Variants in TMEM182 observed in about 807,000 individuals in gnomAD.
TMEM182 encodes the protein transmembrane protein 182.
A neutral mutation model predicts 26.8 loss-of-function variants in TMEM182; 20 were observed. The ratio of observed to expected loss-of-function variants is 0.75; its 90% CI spans 0.53 to 1.09. TMEM182 has a LOEUF of 1.09. Among genes scored for constraint, TMEM182 ranks in the 50% least tolerant of loss-of-function variants. TMEM182 has a pLI of 0.00. For missense variants in TMEM182, 277 were observed against 275.5 expected (o/e 1.01, Z -0.04); for synonymous variants, 109 against 102.2 (o/e 1.07, Z -0.40).
chr2:102,753,970 G>A (rs974548052), intron 1 of TMEM182, among the ~76,000 whole-genome samples: 6 of 152,136 alleles, frequency 3.9e-5, no homozygotes, highest in Admixed American at 2.6e-4. Flanking sequence ...CAATATGACC[G>A]TGTTTTATAT....
At chr2:102,829,508 C>A (rs769999331) in intron 3 of TMEM182, among the ~76,000 whole-genome samples, 6 of 152,126 alleles carry the variant, frequency 3.9e-5, no homozygotes, top group Non-Finnish European at 7.4e-5. Flanking sequence ...GGGAAAATAT[C>A]AGAAGGTGTT....
At chr2:102,742,750 C>T (rs966680854) in intron 1 of TMEM182, among the ~76,000 whole-genome samples, 1 of 151,952 alleles carries the variant, frequency 6.6e-6, no homozygotes, top group African/African-American at 2.4e-5. Flanking sequence ...AACATACAAG[C>T]AAGTAGTGAG....
intron 3 of TMEM182, among the ~76,000 whole-genome samples, chr2:102,841,825 C>A (rs773384649): frequency 1.1e-4 from 16 of 152,164 alleles, no homozygotes; most frequent in Non-Finnish European, 2.4e-4. Context: ...GGAAAGAATG[C>A]AGAATCTGAA....
Position 102,815,945 on chromosome 2 carries a change from A to G in TMEM182, c.*977A>G. 1 of 983,490 alleles carries G rather than the reference A, an allele frequency of 1.0e-6. No homozygotes were observed. The allele number at this position is 983,490 out of a possible 1,614,324, so 60.9% of individuals were successfully genotyped here. Reference sequence around the variant, plus strand: ...AGACCATAAAATATTAACTTTCCCCAAGATGTTATGGGTTCCAGTTCTTCT... The same window carrying G: ...AGACCATAAAATATTAACTTTCCCCGAGATGTTATGGGTTCCAGTTCTTCT... On this transcript the variant is annotated 3_prime_UTR_variant, in exon 5 of 5. Coordinates refer to ENST00000412401, the MANE Select transcript of TMEM182 (RefSeq NM_144632.5).
intron 1 of TMEM182, among the ~76,000 whole-genome samples, chr2:102,755,762 G>A (rs1680013830): frequency 6.6e-6 from 1 of 152,066 alleles, no homozygotes; most frequent in Non-Finnish European, 1.5e-5. Flanking sequence ...TAAGAATAAG[G>A]GGGCAAATTG....
chr2:102,810,005 C>G (rs1280527277), intron 4 of TMEM182, among the ~76,000 whole-genome samples: 2 of 152,100 alleles, frequency 1.3e-5, no homozygotes, highest in Non-Finnish European at 2.9e-5. Context: ...TATGATTCTT[C>G]CCCAAGTAAC....
intron 4 of TMEM182, among the ~76,000 whole-genome samples, chr2:102,804,921 C>T (rs956408345): frequency 3.9e-5 from 6 of 152,174 alleles, no homozygotes; most frequent in African/African-American, 1.2e-4. Flanking sequence ...TTTGTAGACT[C>T]GCTTTGTGCC....
intron 3 of TMEM182, among the ~76,000 whole-genome samples, chr2:102,828,059 C>T (rs927608836): frequency 5.3e-5 from 8 of 152,080 alleles, no homozygotes; most frequent in African/African-American, 1.9e-4. Flanking sequence ...CCACTGCACT[C>T]CAGCCTGGGC....
intron 1 of TMEM182, among the ~76,000 whole-genome samples, chr2:102,737,735 A>C (rs1042347473): frequency 4.6e-5 from 7 of 152,236 alleles, no homozygotes; most frequent in Admixed American, 3.9e-4. Context: ...TGACACCAAA[A>C]GATGCCTTTA....
At chr2:102,769,620 T>C (rs563840751) in intron 3 of TMEM182, among the ~76,000 whole-genome samples, 1 of 152,370 alleles carries the variant, frequency 6.6e-6, no homozygotes, top group East Asian at 1.9e-4. Flanking sequence ...ATTTTAAACA[T>C]GTTGGTTGCT....
chr2:102,835,289 G>A (rs74503569), intron 3 of TMEM182, among the ~76,000 whole-genome samples: 2,761 of 152,214 alleles, frequency 0.018, 39 homozygotes, highest in Non-Finnish European at 0.028. Flanking sequence ...ATCGTGACTC[G>A]ATTTTTAAAA....
intron 3 of TMEM182, among the ~76,000 whole-genome samples, chr2:102,789,418 A>G (rs975837156): frequency 1.3e-5 from 2 of 152,214 alleles, no homozygotes; most frequent in South Asian, 4.1e-4. Flanking sequence ...TCTGCAAATT[A>G]TATTATGCAA....
chr2:102,742,059 A>G (rs1156861240), intron 1 of TMEM182, among the ~76,000 whole-genome samples: 2 of 152,246 alleles, frequency 1.3e-5, no homozygotes, highest in Non-Finnish European at 2.9e-5. Context: ...CTAGACTCAG[A>G]TATGACACAG....
chr2:102,749,048 A>G (rs1679799121), intron 1 of TMEM182, among the ~76,000 whole-genome samples: 1 of 152,222 alleles, frequency 6.6e-6, no homozygotes, highest in African/African-American at 2.4e-5. Context: ...TTTTAAAGAG[A>G]TAAATTTAGT....
At chr2:102,803,859 C>T (rs1438190469) in intron 4 of TMEM182, among the ~76,000 whole-genome samples, 2 of 151,814 alleles carry the variant, frequency 1.3e-5, no homozygotes, top group African/African-American at 2.4e-5. Context: ...TGCAGGCACA[C>T]GCAGCCCTGC....
upstream of TMEM182, chr2:102,757,580 T>A (rs1338173288): frequency 6.6e-6 from 1 of 152,014 alleles, no homozygotes; most frequent in African/African-American, 2.4e-5. Flanking sequence ...CTTGGTAGAG[T>A]CTTATGCATA....
chr2:102,776,696 G>A (rs542356677), intron 3 of TMEM182, among the ~76,000 whole-genome samples: 20 of 152,112 alleles, frequency 1.3e-4, no homozygotes, highest in African/African-American at 2.2e-4. Context: ...TTTCTGGATC[G>A]TATGGTGAGA....
chr2:102,772,094 C>T (rs1226060853), intron 3 of TMEM182, among the ~76,000 whole-genome samples: 2 of 152,212 alleles, frequency 1.3e-5, no homozygotes, highest in Non-Finnish European at 2.9e-5. Context: ...ACAAGAATAG[C>T]TTCCTTCCAC....
At chr2:102,803,055 G>C (rs1054447410) in intron 4 of TMEM182, among the ~76,000 whole-genome samples, 2 of 152,174 alleles carry the variant, frequency 1.3e-5, no homozygotes, top group African/African-American at 4.8e-5. Flanking sequence ...GAGAGTAGAA[G>C]GATTCAAGCA....
Sources: gnomAD v4.1 joint callset for allele counts (sites outside exome capture counted in the v4.1 genomes callset) on GRCh38, gnomAD v4.1.1 for gene constraint, MANE v1.5 for transcripts, NCBI Gene and HGNC (gene_info 2026-07-23, HGNC 2026-07-21) for gene names.